PCSK5: variants seen among roughly 807,000 people sequenced by gnomAD.
PCSK5 encodes proprotein convertase subtilisin/kexin type 5.
Under a neutral mutation model 233.2 loss-of-function variants are expected in PCSK5, and 129 were observed. The observed-to-expected ratio is 0.55, with a 90% CI of 0.48 to 0.64. The LOEUF (loss-of-function observed/expected upper bound fraction) is 0.64, where lower values mean the gene tolerates loss of function less well. PCSK5 is among the 30% of genes least tolerant of loss of function. The probability of loss-of-function intolerance (pLI) is 0.00; values close to 1 mark genes in which losing one functional copy is unlikely to be tolerated. For missense variants in PCSK5, 2,076 were observed against 2,430.1 expected (o/e 0.85, Z 3.06); for synonymous variants, 825 against 879.2 (o/e 0.94, Z 1.09).
chr9:75,969,618 A>C (rs967349517), intron 2 of PCSK5, among the ~76,000 whole-genome samples: 4 of 152,194 alleles, frequency 2.6e-5, no homozygotes, highest in African/African-American at 7.2e-5. Flanking sequence ...TCAAGCTTGC[A>C]GTTCTTGGAC....
intron 10 of PCSK5, among the ~76,000 whole-genome samples, chr9:76,143,841 G>A (rs1452848569): frequency 6.6e-6 from 1 of 151,482 alleles, no homozygotes; most frequent in Non-Finnish European, 1.5e-5. Context: ...GTCAGAAATT[G>A]TGCTTTGAGA....
At chr9:76,227,677 C>T in intron 21 of PCSK5, 72 bp downstream of exon 21, 1 of 919,034 alleles carries the variant, frequency 1.1e-6, no homozygotes. Context: ...AGGTGCTCAC[C>T]ATCTTAGCAG....
intron 1 of PCSK5, among the ~76,000 whole-genome samples, 185 bp downstream of exon 1, chr9:75,891,558 CACA>C: frequency 6.6e-6 from 1 of 151,802 alleles, no homozygotes; most frequent in Non-Finnish European, 1.5e-5. Context: ...CACACACACA[CACA>C]CACCCCAGAG....
chr9:75,921,222 G>A (rs1003023801), intron 1 of PCSK5, among the ~76,000 whole-genome samples: 5 of 152,134 alleles, frequency 3.3e-5, no homozygotes, highest in Non-Finnish European at 7.3e-5. Flanking sequence ...GAAAAGTACC[G>A]ATGCCCTGGC....
At chr9:76,294,356 T>C (rs905840817) in intron 25 of PCSK5, among the ~76,000 whole-genome samples, 3 of 152,186 alleles carry the variant, frequency 2.0e-5, no homozygotes, top group African/African-American at 7.2e-5. Context: ...CATTTTACTG[T>C]AGAATGAGAA....
Position 76,272,922 on chromosome 9 carries a change from C to G in PCSK5, c.3143-19311C>G, listed in dbSNP as rs574919934. On this transcript the variant is annotated intron_variant, in intron 24 of 37. Transcript: ENST00000674117. The stretch of plus-strand genomic sequence containing the variant: ...TCTCCAAGCATTTCTACTTCTTACT[C>G]TAGCTACCCCAAACTCTTTGCAATC... 4.6e-5 allele frequency among the ~76,000 whole-genome samples: 7 copies of G among 151,996 alleles called. No homozygotes were observed. In the East Asian group the frequency reaches 1.4e-3, roughly 29 times the overall value.
chr9:75,951,075 A>G (rs1475854243), intron 2 of PCSK5, among the ~76,000 whole-genome samples: 1 of 152,206 alleles, frequency 6.6e-6, no homozygotes, highest in Non-Finnish European at 1.5e-5. Context: ...AGAAGTCTTA[A>G]CCAGTAGTTA....
intron 1 of PCSK5, among the ~76,000 whole-genome samples, chr9:75,924,435 A>G (rs1344319611): frequency 6.6e-6 from 1 of 152,048 alleles, no homozygotes; most frequent in Non-Finnish European, 1.5e-5. Context: ...AGGTGTCAGG[A>G]TGTTGTGCTT....
intron 30 of PCSK5, among the ~76,000 whole-genome samples, chr9:76,318,471 A>C (rs1439138155): frequency 6.6e-6 from 1 of 151,954 alleles, no homozygotes; most frequent in East Asian, 1.9e-4. Context: ...AAGTATAAAA[A>C]AAAAAGAAAA....
At chr9:75,952,034 A>G (rs979642644) in intron 2 of PCSK5, among the ~76,000 whole-genome samples, 1 of 152,190 alleles carries the variant, frequency 6.6e-6, no homozygotes, top group African/African-American at 2.4e-5. Flanking sequence ...CACTATACTT[A>G]ACCACCTAGA....
chr9:76,065,935 C>G (rs1054793008), intron 5 of PCSK5, among the ~76,000 whole-genome samples: 1 of 152,116 alleles, frequency 6.6e-6, no homozygotes, highest in Non-Finnish European at 1.5e-5. Context: ...GTTCTTGACA[C>G]CTTTGTCAAA....
At chr9:76,308,572 A>T (rs2131433590) in intron 28 of PCSK5, 73 bp from the exon 29 acceptor site, 1 of 835,336 alleles carries the variant, frequency 1.2e-6, no homozygotes, top group South Asian at 1.4e-5. Context: ...AACCCATGAG[A>T]TCTTTTTCAG....
At chr9:76,303,393 C>T (rs1019679143) in intron 28 of PCSK5, among the ~76,000 whole-genome samples, 1 of 151,850 alleles carries the variant, frequency 6.6e-6, no homozygotes, top group African/African-American at 2.4e-5. Flanking sequence ...ATTGCCAGAA[C>T]GTGAGATACA....
At chr9:76,283,332 A>G (rs186497896) in intron 24 of PCSK5, among the ~76,000 whole-genome samples, 3 of 152,308 alleles carry the variant, frequency 2.0e-5, no homozygotes, top group Admixed American at 2.0e-4. Context: ...GTTTCAAAAA[A>G]TTGCCACAGC....
At chr9:76,077,752 C>T (rs1830691403) in intron 7 of PCSK5, among the ~76,000 whole-genome samples, 1 of 152,192 alleles carries the variant, frequency 6.6e-6, no homozygotes, top group African/African-American at 2.4e-5. Flanking sequence ...TTTTTCATGG[C>T]TGTGTAGTAT....
intron 4 of PCSK5, 150 bp from the exon 5 acceptor site, chr9:76,026,811 T>C: frequency 3.7e-6 from 2 of 537,770 alleles, no homozygotes; most frequent in Non-Finnish European, 6.8e-6. Context: ...CCCTAAGGCA[T>C]CCTGACACCA....
intron 33 of PCSK5, 110 bp from the exon 34 acceptor site, chr9:76,332,323 T>C: frequency 2.8e-6 from 2 of 707,384 alleles, no homozygotes; most frequent in Non-Finnish European, 4.8e-6. Flanking sequence ...GATCATCCCA[T>C]TCCTCCTGCA....
chr9:76,340,639 CAAAA>C (rs57319222), intron 35 of PCSK5, among the ~76,000 whole-genome samples: 63 of 95,358 alleles, frequency 6.6e-4, no homozygotes, highest in African/African-American at 2.6e-3. Context: ...ACGAGACTGT[CAAAA>C]AAAAAAAAAA....
intron 35 of PCSK5, among the ~76,000 whole-genome samples, chr9:76,345,768 T>G (rs11144845): frequency 0.26 from 39,061 of 148,384 alleles, 5,195 homozygotes; most frequent in Middle Eastern, 0.43. Context: ...TGCCCAGGCT[T>G]GAGTGCAGTG....
Sources: allele counts gnomAD v4.1 joint callset (sites outside exome capture counted in the v4.1 genomes callset), GRCh38; gene constraint gnomAD v4.1.1; transcripts MANE v1.5; gene names NCBI Gene and HGNC (gene_info 2026-07-23, HGNC 2026-07-21).